The following MYOF variants were observed in gnomAD, a reference collection of about 807,000 sequenced individuals.
MYOF encodes the protein myoferlin, also known as fer-1-like 3, myoferlin.
A neutral mutation model predicts 284.2 loss-of-function variants in MYOF; 244 were observed. The ratio of observed to expected loss-of-function variants is 0.86; its 90% confidence interval spans 0.77 to 0.95. The LOEUF (loss-of-function observed/expected upper bound fraction) is 0.95, where lower values mean the gene tolerates loss of function less well. Ranked by LOEUF, MYOF falls within the 40% of genes least tolerant of loss-of-function variation. MYOF has a pLI of 0.00. For synonymous variants in MYOF, 904 were observed against 919.7 expected (o/e 0.98, Z 0.31); for missense variants, 2,496 against 2,560.6 (o/e 0.97, Z 0.54).
intron 51 of MYOF, among the ~76,000 whole-genome samples, chr10:93,311,719 C>T (rs1049585583): frequency 4.6e-5 from 7 of 152,160 alleles, no homozygotes; most frequent in Admixed American, 1.3e-4. Context: ...TTGGGAAGCC[C>T]TGGCCCTGAG....
intron 14 of MYOF, 23 bp from the exon 15 acceptor site, chr10:93,397,313 A>G: frequency 6.3e-7 from 1 of 1,598,860 alleles, no homozygotes; most frequent in Non-Finnish European, 8.6e-7. Context: ...GACAGAAAAA[A>G]GTAGTTATTT....
At chr10:93,333,170 AT>A (rs1843414572) in intron 43 of MYOF, 50 bp downstream of exon 43, 1 of 1,451,954 alleles carries the variant, frequency 6.9e-7, no homozygotes, top group African/African-American at 1.4e-5. Context: ...GTCTTCATGC[AT>A]GTTCCGTGGA....
At chr10:93,449,329 T>G (rs1274465395) in intron 3 of MYOF, among the ~76,000 whole-genome samples, 2 of 152,248 alleles carry the variant, frequency 1.3e-5, no homozygotes, top group African/African-American at 4.8e-5. Context: ...CTAGAAAATT[T>G]TAAATTGCAT....
In MYOF at chr10:93,337,812, T is replaced by C; in HGVS notation, c.4437+3A>G. ...CCACCCATAGCAGCATAGATCCAGG[T>C]ACCTTGAGCTTGGAATAGCCTTTCT... On this transcript the variant is annotated splice_donor_region_variant and intron_variant, in intron 40 of 53. Transcript: ENST00000359263. The C allele has an allele frequency of 6.2e-7, 1 of 1,611,980 alleles. No individual in the cohort carries two copies. The highest frequency in any genetic ancestry group is 8.5e-7 in the Non-Finnish European group (1 of 1,178,106).
rs1844773680 is a variant in MYOF, at chr10:93,355,806, C to T, written c.3295-70G>A. 52 of 1,075,238 alleles carry T rather than the reference C, an allele frequency of 4.8e-5. No individual in the cohort carries two copies. The South Asian group carries it at 6.3e-4, about 13-fold the overall frequency. The allele number at this position is 1,075,238 out of a possible 1,614,324, so 66.6% of individuals were successfully genotyped here. ...ACTGCCTAAAAGCAAATCAACCAAC[C>T]AAGAGGCAAGAATAACAAATGGAAT... On this transcript the variant is annotated intron_variant, in intron 30 of 53. Transcript: ENST00000359263.
Position 93,323,292 on chromosome 10 carries a change from T to C in MYOF, c.5338A>G (p.Ile1780Val). The change falls in exon 47 of 54, where the codon ATC becomes GTC. Residue 1780 changes from isoleucine to valine, a missense_variant. Coordinates refer to ENST00000359263, the MANE Select transcript of MYOF (RefSeq NM_013451.4). ...TACTTCTTGGCTTTCCGGGGTGTGA[T>C]GTTGAAAGGAGGGCCTGGTGGCCCC... is the stretch of plus-strand genomic sequence containing the variant. ...SLGPPGPPFN[I>V]TPRKAKKYYL... is the part of the protein sequence containing the mutation. The C allele has an allele frequency of 1.2e-6, 2 of 1,614,134 alleles. No homozygotes were observed. The highest frequency in any genetic ancestry group is 1.7e-6 in the Non-Finnish European group (2 of 1,179,972).
chr10:93,394,617 C>G (rs942869727), intron 16 of MYOF, among the ~76,000 whole-genome samples: 9 of 151,138 alleles, frequency 6.0e-5, no homozygotes, highest in African/African-American at 2.2e-4. Flanking sequence ...CCCACCACCA[C>G]GCCCGGAGAA....
intron 23 of MYOF, 96 bp from the exon 24 acceptor site, chr10:93,373,181 AT>A: frequency 7.0e-7 from 1 of 1,434,976 alleles, no homozygotes; most frequent in Non-Finnish European, 9.7e-7. Context: ...TCAGGGATTC[AT>A]TTAGCAAAGA....
intron 5 of MYOF, among the ~76,000 whole-genome samples, chr10:93,417,981 G>A (rs545384666): frequency 6.6e-6 from 1 of 152,090 alleles, no homozygotes; most frequent in South Asian, 2.1e-4. Flanking sequence ...TTATTTTTTT[G>A]GAGAGATGGA....
chr10:93,312,456 G>A (rs1055771843), intron 51 of MYOF, among the ~76,000 whole-genome samples: 9 of 151,970 alleles, frequency 5.9e-5, no homozygotes, highest in East Asian at 3.9e-4. Flanking sequence ...AGTGATTCTC[G>A]TGCCTCAGCC....
chr10:93,423,386 G>A (rs1217355336), intron 5 of MYOF, among the ~76,000 whole-genome samples: 1 of 151,688 alleles, frequency 6.6e-6, no homozygotes, highest in Admixed American at 6.6e-5. Flanking sequence ...AATTAAGCGG[G>A]TGTGGTCGCG....
intron 46 of MYOF, among the ~76,000 whole-genome samples, 198 bp downstream of exon 46, chr10:93,325,628 A>G (rs977685076): frequency 6.6e-6 from 1 of 152,176 alleles, no homozygotes; most frequent in Non-Finnish European, 1.5e-5. Flanking sequence ...GTCATGGCCA[A>G]TCTCCTATCT....
intron 37 of MYOF, among the ~76,000 whole-genome samples, chr10:93,347,233 A>T (rs576466869): frequency 6.6e-6 from 1 of 152,324 alleles, no homozygotes; most frequent in Non-Finnish European, 1.5e-5. Flanking sequence ...TAGGTTTGTA[A>T]AGAGTAAATC....
intron 19 of MYOF, among the ~76,000 whole-genome samples, chr10:93,385,543 C>T (rs555013939): frequency 6.6e-6 from 1 of 152,300 alleles, no homozygotes; most frequent in South Asian, 2.1e-4. Context: ...TGACTGCATT[C>T]GTTAAGTCCT....
chr10:93,400,515 A>G (rs942436861), intron 12 of MYOF, among the ~76,000 whole-genome samples: 3 of 151,722 alleles, frequency 2.0e-5, no homozygotes, highest in Non-Finnish European at 4.4e-5. Context: ...GCCCTACAAT[A>G]CTATCTTTTA....
chr10:93,390,716 G>A (rs770534602), intron 17 of MYOF, among the ~76,000 whole-genome samples: 1 of 152,072 alleles, frequency 6.6e-6, no homozygotes, highest in Non-Finnish European at 1.5e-5. Context: ...TTTTGTTTTA[G>A]TGGAGGGATG....
chr10:93,400,471 G>A (rs1847227895), intron 12 of MYOF, among the ~76,000 whole-genome samples: 3 of 151,736 alleles, frequency 2.0e-5, no homozygotes, highest in Admixed American at 2.0e-4. Flanking sequence ...CAGCCCATTT[G>A]ACACATTTTT....
chr10:93,436,098 G>A (rs950597853), intron 3 of MYOF, among the ~76,000 whole-genome samples: 6 of 152,000 alleles, frequency 3.9e-5, no homozygotes, highest in Admixed American at 6.6e-5. Context: ...AGAGTGTCAG[G>A]AGAGAAGGTT....
At position 93,361,491 on chromosome 10, in the gene MYOF, C is replaced by G; in HGVS notation, c.2935G>C (p.Ala979Pro). Residue 979 changes from alanine (A) to proline (P), a missense_variant, in exon 28 of 54, where the codon GCA becomes CCA. Physicochemically the swap from Ala to Pro is conservative, Grantham distance 27. Coordinates refer to ENST00000359263, the MANE Select transcript of MYOF (RefSeq NM_013451.4). ...GCTCGATTTATGTCATAAGACCATG[C>G]ATCATCTTCCCATTCCCAACCTGGA... The part of the protein sequence containing the change: ...CPPGWEWEDD[A>P]WSYDINRAVD... 6.2e-7 allele frequency: 1 copy of G among 1,614,220 alleles called. No homozygotes were observed. The highest frequency in any genetic ancestry group is 8.5e-7 in the Non-Finnish European group (1 of 1,180,038).
Sources: gnomAD v4.1 joint callset for allele counts (sites outside exome capture counted in the v4.1 genomes callset) on GRCh38, gnomAD v4.1.1 for gene constraint, MANE v1.5 for transcripts, NCBI Gene and HGNC (gene_info 2026-07-23, HGNC 2026-07-21) for gene names.